ZC3H12B: variants seen among roughly 807,000 people sequenced by gnomAD.
ZC3H12B encodes the protein probable ribonuclease ZC3H12B.
In ZC3H12B, 7 loss-of-function variants were observed where a neutral mutation model predicts 43.9. The ratio of observed to expected loss-of-function variants is 0.16; its 90% CI spans 0.09 to 0.30. The LOEUF (loss-of-function observed/expected upper bound fraction) is 0.30, where lower values mean the gene tolerates loss of function less well. Among genes scored for constraint, ZC3H12B ranks in the 10% least tolerant of loss-of-function variants. The pLI is 1.00. For synonymous variants in ZC3H12B, 222 were observed against 241.7 expected (o/e 0.92, Z 0.76); for missense variants, 475 against 670.2 (o/e 0.71, Z 3.22).
chrX:65,058,369 C>T, the ZC3H12B span, among the ~76,000 whole-genome samples: 1 of 112,189 alleles, frequency 8.9e-6, no homozygotes, highest in Non-Finnish European at 1.9e-5. Context: ...TGGGTATCAG[C>T]AGCAGAGGCT....
At chrX:65,433,577 T>C (rs777468066) in intron 3 of ZC3H12B, among the ~76,000 whole-genome samples, 1 of 111,729 alleles carries the variant, frequency 9.0e-6, no homozygotes. Context: ...AAAACTCGAT[T>C]GATTTCCTGA....
chrX:65,164,483 A>T, the ZC3H12B span, among the ~76,000 whole-genome samples: 2 of 111,725 alleles, frequency 1.8e-5, no homozygotes, highest in Non-Finnish European at 3.8e-5. Context: ...CTGAAGCATG[A>T]TTCTAACTTT....
At chrX:65,338,872 A>C in the ZC3H12B span, among the ~76,000 whole-genome samples, 2 of 112,283 alleles carry the variant, frequency 1.8e-5, no homozygotes, top group Non-Finnish European at 3.8e-5. Context: ...TCTCAAAATA[A>C]TAAGAGCCTT....
At chrX:65,387,353 T>G (rs1229288489) in intron 2 of ZC3H12B, among the ~76,000 whole-genome samples, 1 of 112,049 alleles carries the variant, frequency 8.9e-6, no homozygotes, top group Non-Finnish European at 1.9e-5. Flanking sequence ...ATATTTAGGA[T>G]AGTTAGATTT....
At chrX:65,237,226 G>A in the ZC3H12B span, among the ~76,000 whole-genome samples, 1 of 111,211 alleles carries the variant, frequency 9.0e-6, no homozygotes, top group Non-Finnish European at 1.9e-5. Context: ...ATTTCCTTCA[G>A]CAGTGGTTTG....
chrX:65,460,999 C>A lies in ZC3H12B; in HGVS notation n.408-27647C>A, dbSNP rs529699832. ...AATATCCAGAATCTACAATGAACTC[C>A]AACAAATTTACAAGAAAAAAACAAC... is the stretch of plus-strand genomic sequence containing the variant. On this transcript the variant is annotated intron_variant and non_coding_transcript_variant, in intron 3 of 5. Transcript: ENST00000617377. Among the ~76,000 whole-genome samples the A allele has an allele frequency of 8.6e-4, 96 of 111,362 alleles. 1 individual carries two copies. In the East Asian group the frequency reaches 0.022, roughly 25 times the overall value.
the ZC3H12B span, among the ~76,000 whole-genome samples, chrX:65,299,006 C>A: frequency 9.0e-6 from 1 of 111,592 alleles, no homozygotes; most frequent in African/African-American, 3.3e-5. Context: ...TTACCTCTAC[C>A]TGGTCTCTCC....
chrX:65,358,933 G>A, the ZC3H12B span, among the ~76,000 whole-genome samples: 1 of 111,606 alleles, frequency 9.0e-6, no homozygotes, highest in Non-Finnish European at 1.9e-5. Context: ...AACTTCAAAG[G>A]ACAGGCTGAC....
chrX:65,421,805 T>C (rs984317572), intron 3 of ZC3H12B, among the ~76,000 whole-genome samples: 6 of 110,586 alleles, frequency 5.4e-5, no homozygotes, highest in Non-Finnish European at 1.1e-4. Context: ...AAAAATTAGC[T>C]GGGCGTGGTG....
intron 3 of ZC3H12B, among the ~76,000 whole-genome samples, chrX:65,473,544 A>G (rs2067955269): frequency 8.9e-6 from 1 of 112,124 alleles, no homozygotes; most frequent in South Asian, 3.7e-4. Context: ...TCAATCCAAA[A>G]ATATGGGATG....
chrX:65,333,157 G>C, the ZC3H12B span, among the ~76,000 whole-genome samples: 1 of 111,339 alleles, frequency 9.0e-6, no homozygotes, highest in African/African-American at 3.3e-5. Flanking sequence ...CTACAGGTAA[G>C]GAACTATGCA....
chrX:65,438,079 A>G (rs1477233004), intron 3 of ZC3H12B, among the ~76,000 whole-genome samples: 1 of 111,473 alleles, frequency 9.0e-6, no homozygotes, highest in African/African-American at 3.3e-5. Context: ...TCATTGGTCT[A>G]TGTGTCTGAT....
the ZC3H12B span, among the ~76,000 whole-genome samples, chrX:65,069,009 C>T: frequency 9.2e-6 from 1 of 108,949 alleles, no homozygotes; most frequent in South Asian, 4.0e-4. Flanking sequence ...TATTGGAGCT[C>T]CATAGTATAT....
At chrX:65,064,169 C>T in the ZC3H12B span, among the ~76,000 whole-genome samples, 4 of 111,453 alleles carry the variant, frequency 3.6e-5, no homozygotes, top group Admixed American at 1.9e-4. Context: ...CTGCTCTGAT[C>T]TTAGTTATTT....
chrX:65,317,526 C>A, the ZC3H12B span, among the ~76,000 whole-genome samples: 1 of 108,949 alleles, frequency 9.2e-6, no homozygotes, highest in Non-Finnish European at 1.9e-5. Flanking sequence ...ATCCCATACC[C>A]CTTTCCCACC....
the ZC3H12B span, among the ~76,000 whole-genome samples, chrX:65,048,081 C>T: frequency 1.8e-5 from 2 of 110,945 alleles, no homozygotes; most frequent in African/African-American, 3.3e-5. Flanking sequence ...CTCCACATTT[C>T]CCCGTTTCCC....
the ZC3H12B span, chrX:65,271,447 G>T: frequency 8.9e-6 from 1 of 112,663 alleles, no homozygotes; most frequent in African/African-American, 3.2e-5. Flanking sequence ...TGATTAAAAA[G>T]GGTGGCATTC....
intron 2 of ZC3H12B, among the ~76,000 whole-genome samples, chrX:65,397,987 A>G (rs753650836): frequency 3.9e-4 from 44 of 112,300 alleles, no homozygotes; most frequent in African/African-American, 1.4e-3. Flanking sequence ...ATGCCCACAT[A>G]GAATATTCTG....
At chrX:65,212,519 T>G in the ZC3H12B span, among the ~76,000 whole-genome samples, 1 of 73,523 alleles carries the variant, frequency 1.4e-5, no homozygotes, top group Non-Finnish European at 2.3e-5. Flanking sequence ...TACAATATTT[T>G]TATTATATTA....
Sources: gnomAD v4.1 joint callset for allele counts (sites outside exome capture counted in the v4.1 genomes callset) on GRCh38, gnomAD v4.1.1 for gene constraint, MANE v1.5 for transcripts, NCBI Gene and HGNC (gene_info 2026-07-23, HGNC 2026-07-21) for gene names.